SGMS1: variants seen among roughly 807,000 people sequenced by gnomAD.
The protein encoded by SGMS1 is sphingomyelin synthase 1, also known as phosphatidylcholine:ceramide cholinephosphotransferase 1.
A neutral mutation model predicts 46.2 loss-of-function variants in SGMS1; 13 were observed. The observed-to-expected ratio is 0.28, with a 90% confidence interval of 0.18 to 0.45. SGMS1 has a LOEUF of 0.45. Among genes scored for constraint, SGMS1 ranks in the 20% least tolerant of loss-of-function variants. SGMS1 has a pLI of 1.00. For synonymous variants in SGMS1, 203 were observed against 187.8 expected, an observed-to-expected ratio of 1.08 and a Z score of -0.66; for missense variants, 324 against 519.9, an observed-to-expected ratio of 0.62 and a Z score of 3.66.
At chr10:50,593,790 T>C (rs1231047439) in intron 1 of SGMS1, among the ~76,000 whole-genome samples, 1 of 152,216 alleles carries the variant, frequency 6.6e-6, no homozygotes, top group African/African-American at 2.4e-5. Context: ...AGTTCATTCA[T>C]TTTGTCACCA....
chr10:50,604,312 C>T (rs1006972621), intron 1 of SGMS1, among the ~76,000 whole-genome samples: 4 of 152,244 alleles, frequency 2.6e-5, no homozygotes, highest in South Asian at 2.1e-4. Flanking sequence ...GCTGAACCGT[C>T]GGTGAAATTT....
At chr10:50,593,532 T>G (rs1838562367) in intron 1 of SGMS1, among the ~76,000 whole-genome samples, 1 of 152,168 alleles carries the variant, frequency 6.6e-6, no homozygotes, top group South Asian at 2.1e-4. Context: ...TGTGTGTGTG[T>G]CTTTCCTGAT....
intron 2 of SGMS1, among the ~76,000 whole-genome samples, chr10:50,584,447 G>A (rs1463330245): frequency 6.0e-5 from 9 of 149,662 alleles, no homozygotes; most frequent in Admixed American, 2.7e-4. Flanking sequence ...TGTAGTAAGC[G>A]GAGATCGTGC....
chr10:50,372,026 C>T (rs2255859), intron 6 of SGMS1, among the ~76,000 whole-genome samples: 52,504 of 152,028 alleles, frequency 0.35, 9,255 homozygotes, highest in South Asian at 0.41. Flanking sequence ...TTCAAACCAC[C>T]GCACTCTTAT....
chr10:50,520,944 G>T (rs1837852298), intron 2 of SGMS1, among the ~76,000 whole-genome samples: 1 of 151,462 alleles, frequency 6.6e-6, no homozygotes. Context: ...TGAGTGCAGT[G>T]GCATAATCAT....
At chr10:50,575,719 A>T (rs1489625640) in intron 2 of SGMS1, among the ~76,000 whole-genome samples, 2 of 152,116 alleles carry the variant, frequency 1.3e-5, no homozygotes, top group Non-Finnish European at 2.9e-5. Context: ...GTCCAAACTC[A>T]TCAAATTGTA....
At chr10:50,530,701 T>C (rs997422247) in intron 2 of SGMS1, among the ~76,000 whole-genome samples, 1 of 151,886 alleles carries the variant, frequency 6.6e-6, no homozygotes, top group Non-Finnish European at 1.5e-5. Context: ...CCCAAGCTGG[T>C]CTCAAACTCC....
chr10:50,426,266 T>C (rs375175405), intron 6 of SGMS1, among the ~76,000 whole-genome samples: 4 of 152,356 alleles, frequency 2.6e-5, no homozygotes, highest in South Asian at 2.1e-4. Flanking sequence ...TATAAAAAAA[T>C]GTTTTAAGAG....
chr10:50,417,472 G>A (rs532370434), intron 6 of SGMS1, among the ~76,000 whole-genome samples: 1 of 152,054 alleles, frequency 6.6e-6, no homozygotes, highest in Admixed American at 6.5e-5. Context: ...TCTTCTCCAT[G>A]TATTTATTGA....
At chr10:50,512,622 G>A (rs542732659) in intron 3 of SGMS1, among the ~76,000 whole-genome samples, 3 of 152,242 alleles carry the variant, frequency 2.0e-5, no homozygotes, top group Admixed American at 6.5e-5. Context: ...GAGGAAGTTC[G>A]CAGGCTGCCC....
At chr10:50,470,209 GA>G (rs918278120) in intron 3 of SGMS1, among the ~76,000 whole-genome samples, 1 of 152,000 alleles carries the variant, frequency 6.6e-6, no homozygotes, top group Non-Finnish European at 1.5e-5. Context: ...GAGAGACCAG[GA>G]AGAGCACTCC....
At chr10:50,575,238 A>C (rs1451349643) in intron 2 of SGMS1, among the ~76,000 whole-genome samples, 1 of 152,048 alleles carries the variant, frequency 6.6e-6, no homozygotes, top group East Asian at 1.9e-4. Context: ...ACAATAAGAC[A>C]TTATGCACTT....
At chr10:50,487,710 A>G (rs918617220) in intron 3 of SGMS1, among the ~76,000 whole-genome samples, 9 of 152,016 alleles carry the variant, frequency 5.9e-5, no homozygotes, top group Admixed American at 2.0e-4. Context: ...AAACTATTAA[A>G]TATTCTTCCA....
At chr10:50,624,411 A>C (rs1329459308), upstream of SGMS1, among the ~76,000 whole-genome samples, 1 of 152,092 alleles carries the variant, frequency 6.6e-6, no homozygotes, top group Non-Finnish European at 1.5e-5. Flanking sequence ...TGCCCAATGG[A>C]TCATTCCTAG....
chr10:50,483,292 C>T (rs1245635062), intron 3 of SGMS1, among the ~76,000 whole-genome samples: 1 of 152,144 alleles, frequency 6.6e-6, no homozygotes, highest in Non-Finnish European at 1.5e-5. Context: ...GTTGTCCAGG[C>T]TGGTCTTGAA....
intron 3 of SGMS1, among the ~76,000 whole-genome samples, chr10:50,485,758 G>C (rs1462172398): frequency 1.3e-5 from 2 of 152,148 alleles, no homozygotes; most frequent in African/African-American, 2.4e-5. Flanking sequence ...AAATTAGCCA[G>C]GTGGGGTGGT....
At chr10:50,327,520 A>ATAT (rs1178458764) in intron 7 of SGMS1, among the ~76,000 whole-genome samples, 198 bp from the exon 8 acceptor site, 1 of 152,230 alleles carries the variant, frequency 6.6e-6, no homozygotes, top group Admixed American at 6.5e-5. Flanking sequence ...TTTAAAAAAT[A>ATAT]TATTAACTGG....
chr10:50,342,479 T>C (rs1183391469), intron 7 of SGMS1: 2 of 152,226 alleles, frequency 1.3e-5, no homozygotes, highest in Non-Finnish European at 2.9e-5. Context: ...TTTGTAGATA[T>C]ATAATTTATC....
intron 2 of SGMS1, among the ~76,000 whole-genome samples, chr10:50,571,051 G>T (rs1838332696): frequency 6.6e-6 from 1 of 152,230 alleles, no homozygotes; most frequent in South Asian, 2.1e-4. Flanking sequence ...TGCCAAGACA[G>T]TCTTTGCCTC....
Sources: gnomAD v4.1 joint callset for allele counts (sites outside exome capture counted in the v4.1 genomes callset) on GRCh38, gnomAD v4.1.1 for gene constraint, MANE v1.5 for transcripts, NCBI Gene and HGNC (gene_info 2026-07-23, HGNC 2026-07-21) for gene names.